PCID2: variants seen among roughly 807,000 people sequenced by gnomAD.
The protein encoded by PCID2 is PCI domain-containing protein 2.
PCID2 carries 41 observed loss-of-function variants against 61.3 expected under a neutral mutation model. That is an observed-to-expected ratio of 0.67 (90% CI 0.52 to 0.87). PCID2 has a LOEUF of 0.87. PCID2 is among the 40% of genes least tolerant of loss of function. The probability of loss-of-function intolerance (pLI) is 0.00; values close to 1 mark genes in which losing one functional copy is unlikely to be tolerated. For synonymous variants in PCID2, 187 were observed against 177.8 expected, an observed-to-expected ratio of 1.05 and a Z score of -0.41; for missense variants, 392 against 493.4, an observed-to-expected ratio of 0.79 and a Z score of 1.95.
chr13:113,208,621 G>A lies in PCID2; in HGVS notation c.14C>T (p.Thr5Ile). The change falls in exon 1 of 14, where the codon ACC becomes ATC. Residue 5 changes from threonine (T) to isoleucine (I), a missense_variant. Around this residue, in one of 3 missense-constraint regions of PCID2, gnomAD observed 155 missense variants for 164.9 expected, o/e 0.94. Coordinates refer to ENST00000337344, the MANE Select transcript of PCID2 (RefSeq NM_001127202.4). The stretch of plus-strand genomic sequence containing the variant: ...CACCTGCTGCAGGTACTGGTTAATG[G>A]TAATGTGCGCCATGGGAGCGCCGCC... MAHI[T>I]INQYLQQVYE... 6.2e-7 allele frequency: 1 copy of A among 1,608,498 alleles called. No homozygotes were observed. Among genetic ancestry groups the A allele is most frequent in the Non-Finnish European group, 8.5e-7 (1 of 1,178,046 alleles).
the PCID2 span, chr13:113,172,145 G>T: frequency 6.2e-7 from 1 of 1,606,344 alleles, no homozygotes; most frequent in South Asian, 1.1e-5. Flanking sequence ...ACAACCGGAA[G>T]CGGGATTCCA....
rs2038128494 is a variant in PCID2, at chr13:113,186,508, C to CA, written c.468-949_468-948insT. The CA allele has an allele frequency of 2.1e-4, 31 of 146,734 alleles. 2 individuals carry two copies. The highest frequency in any genetic ancestry group is 1.8e-3 in the East Asian group (9 of 4,904). 9.1% of individuals were successfully genotyped at this position (146,734 alleles called of 1,614,324 possible). On this transcript the variant is annotated intron_variant, in intron 7 of 13. Transcript: ENST00000337344. Reference sequence around the variant, plus strand: ...TGACCACATGTGAGATGGGGCCCTACGGAGTCTCACACTTGACCACATGTG... The same window carrying CA: ...TGACCACATGTGAGATGGGGCCCTACAGGAGTCTCACACTTGACCACATGTG...
chr13:113,177,605 A>G lies in PCID2; in HGVS notation c.*593T>C, dbSNP rs2037231238. On this transcript the variant is annotated 3_prime_UTR_variant, in exon 14 of 14. Coordinates refer to ENST00000337344, the MANE Select transcript of PCID2 (RefSeq NM_001127202.4). ...TTTTAAAAGAAATTTTTTTTTAACC[A>G]ACAAAGCAAAGGCAAATAAAATAAG... 6.6e-6 allele frequency: 1 copy of G among 152,198 alleles called. No individual in the cohort carries two copies. The highest frequency in any genetic ancestry group is 2.4e-5 in the African/African-American group (1 of 41,458). The allele number at this position is 152,198 out of a possible 1,614,324, so 9.4% of individuals were successfully genotyped here. A position where few individuals can be genotyped will look rare whatever the true frequency, so the allele number is the denominator to read the frequency against.
intron 2 of PCID2, among the ~76,000 whole-genome samples, chr13:113,198,921 A>G (rs1361817282): frequency 1.3e-5 from 2 of 152,208 alleles, no homozygotes; most frequent in African/African-American, 4.8e-5. Flanking sequence ...AGTGAGGTCT[A>G]ATGAGTTACA....
chr13:113,202,658 AAT>A (rs1344979649), intron 1 of PCID2, among the ~76,000 whole-genome samples: 1 of 152,230 alleles, frequency 6.6e-6, no homozygotes, highest in Non-Finnish European at 1.5e-5. Context: ...CTTGTATAAG[AAT>A]GAAGGGAAAC....
chr13:113,167,437 T>C, the PCID2 span, among the ~76,000 whole-genome samples: 1 of 152,240 alleles, frequency 6.6e-6, no homozygotes, highest in Non-Finnish European at 1.5e-5. Context: ...ACTGCAACAC[T>C]TAACACTTCC....
chr13:113,182,281 C>T (rs2037710650), intron 9 of PCID2, among the ~76,000 whole-genome samples: 1 of 152,118 alleles, frequency 6.6e-6, no homozygotes, highest in African/African-American at 2.4e-5. Context: ...CAGTCTTGCA[C>T]AGTGAGCGTG....
At chr13:113,175,204 C>T (rs75881186), downstream of PCID2, among the ~76,000 whole-genome samples, 452 of 152,236 alleles carry the variant, frequency 3.0e-3, 1 homozygote, top group African/African-American at 9.8e-3. Flanking sequence ...TTTATAGCAG[C>T]GTGAGAACGA....
In PCID2 at chr13:113,179,158, C is replaced by T. The variant is rs936082123; in HGVS notation, c.987-69G>A. On this transcript the variant is annotated intron_variant, in intron 12 of 13. Coordinates refer to ENST00000337344, the MANE Select transcript of PCID2 (RefSeq NM_001127202.4). This position sits in a 1 kb window ranked among gnomAD's most constrained non-coding sequence, Gnocchi z 4.3. ...GCAATACTCCACAGCCAAGAAAAGG[C>T]ACCTCTTAATAAGCCGGTGTTCTAA... 9 of 1,429,190 alleles carry T rather than the reference C, an allele frequency of 6.3e-6. No homozygotes were observed. The highest frequency in any genetic ancestry group is 3.8e-6 in the Non-Finnish European group (4 of 1,045,440). The allele number at this position is 1,429,190 out of a possible 1,614,324, so 88.5% of individuals were successfully genotyped here. A position where few individuals can be genotyped will look rare whatever the true frequency, so the allele number is the denominator to read the frequency against.
intron 1 of PCID2, chr13:113,208,325 G>A: frequency 1.4e-6 from 2 of 1,431,850 alleles, no homozygotes; most frequent in Non-Finnish European, 1.8e-6. Flanking sequence ...TGAGGGCAGC[G>A]ACCTGGGACC....
At chr13:113,204,796 C>T (rs916152127) in intron 1 of PCID2, among the ~76,000 whole-genome samples, 2 of 152,184 alleles carry the variant, frequency 1.3e-5, no homozygotes, top group African/African-American at 4.8e-5. Flanking sequence ...CCTAAAGGTG[C>T]GACTGGCGCC....
At chr13:113,170,384 C>A in the PCID2 span, 3 of 1,343,684 alleles carry the variant, frequency 2.2e-6, no homozygotes, top group Non-Finnish European at 3.2e-6. Flanking sequence ...TTGTCACCAG[C>A]TATTTATTGT....
chr13:113,188,728 C>T (rs189079891), intron 7 of PCID2: 1 of 152,396 alleles, frequency 6.6e-6, no homozygotes, highest in Admixed American at 6.5e-5. Context: ...TTTCAATCCC[C>T]TCACCCCTCA....
At chr13:113,170,235 T>C in the PCID2 span, among the ~76,000 whole-genome samples, 249 of 145,178 alleles carry the variant, frequency 1.7e-3, 1 homozygote, top group African/African-American at 6.2e-3. Context: ...TGTCAACAAT[T>C]CGTTAACAAT....
chr13:113,180,805 C>A (rs1187577194), intron 10 of PCID2, among the ~76,000 whole-genome samples: 1 of 152,074 alleles, frequency 6.6e-6, no homozygotes, highest in Non-Finnish European at 1.5e-5. Context: ...CTTGGTGAAT[C>A]CACTGCTTTT....
chr13:113,165,380 C>T, the PCID2 span, among the ~76,000 whole-genome samples: 6 of 152,250 alleles, frequency 3.9e-5, no homozygotes, highest in East Asian at 7.7e-4. Flanking sequence ...GTCATTTTCT[C>T]AGAACATAAG....
chr13:113,166,017 C>T, the PCID2 span: 6 of 152,188 alleles, frequency 3.9e-5, no homozygotes, highest in East Asian at 1.9e-4. Context: ...ATAGATATTA[C>T]GATTTTTGTT....
the PCID2 span, chr13:113,171,924 G>C: frequency 1.2e-6 from 2 of 1,613,818 alleles, no homozygotes; most frequent in Non-Finnish European, 1.7e-6. The surrounding 1 kb of genome is among the most constrained non-coding windows in gnomAD (Gnocchi z 5.1). Context: ...AGGACCTACT[G>C]TGAGAGAAGC....
At chr13:113,200,585 A>C in intron 1 of PCID2, 69 bp from the exon 2 acceptor site, 1 of 989,572 alleles carries the variant, frequency 1.0e-6, no homozygotes, top group Admixed American at 1.8e-5. Context: ...CTACAACAAT[A>C]CACTGAATGC....
Sources: allele counts gnomAD v4.1 joint callset (sites outside exome capture counted in the v4.1 genomes callset), GRCh38; gene constraint gnomAD v4.1.1; regional missense constraint gnomAD v4.1.1; non-coding constraint Gnocchi (gnomAD v3.1); transcripts MANE v1.5; gene names NCBI Gene and HGNC (gene_info 2026-07-23, HGNC 2026-07-21).